The following ADAM23 variants were observed in gnomAD, a reference collection of about 807,000 sequenced individuals.
ADAM23 encodes the protein ADAM metallopeptidase domain 23.
In ADAM23, 33 loss-of-function variants were observed where a neutral mutation model predicts 120.1. That is an observed-to-expected ratio of 0.27 (90% CI 0.21 to 0.37). The LOEUF (loss-of-function observed/expected upper bound fraction) is 0.37, where lower values mean the gene tolerates loss of function less well. ADAM23 is among the 10% of genes least tolerant of loss of function. ADAM23 has a pLI of 1.00. For synonymous variants in ADAM23, 367 were observed against 375.2 expected, an observed-to-expected ratio of 0.98 and a Z score of 0.25; for missense variants, 862 against 1,058.2, an observed-to-expected ratio of 0.81 and a Z score of 2.57.
intron 3 of ADAM23, among the ~76,000 whole-genome samples, chr2:206,511,568 C>T (rs1158983650): frequency 6.6e-6 from 1 of 152,178 alleles, no homozygotes; most frequent in East Asian, 1.9e-4. Flanking sequence ...TCCCTAGGGG[C>T]ATAATCAGGA....
intron 3 of ADAM23, among the ~76,000 whole-genome samples, chr2:206,503,013 C>G (rs1343858587): frequency 1.3e-5 from 2 of 152,066 alleles, no homozygotes; most frequent in African/African-American, 4.8e-5. Context: ...TGAATAGAGC[C>G]CATTTATACA....
intron 18 of ADAM23, among the ~76,000 whole-genome samples, chr2:206,585,749 TG>T (rs1219850982): frequency 6.6e-6 from 1 of 152,052 alleles, no homozygotes; most frequent in East Asian, 1.9e-4. Flanking sequence ...GCTCACATTA[TG>T]ATGGGGCAAC....
At chr2:206,563,600 A>G (rs1428664541) in intron 13 of ADAM23, among the ~76,000 whole-genome samples, 1 of 152,184 alleles carries the variant, frequency 6.6e-6, no homozygotes, top group African/African-American at 2.4e-5. Context: ...CTTGTTTAGA[A>G]ATCTTGAATC....
intron 25 of ADAM23, among the ~76,000 whole-genome samples, chr2:206,614,126 G>A (rs139497520): frequency 6.6e-6 from 1 of 152,146 alleles, no homozygotes; most frequent in Non-Finnish European, 1.5e-5. Flanking sequence ...GGCCATACTG[G>A]CCTGGCATAG....
intron 6 of ADAM23, among the ~76,000 whole-genome samples, chr2:206,544,897 A>T (rs1427143455): frequency 6.6e-6 from 1 of 152,144 alleles, no homozygotes; most frequent in African/African-American, 2.4e-5. Flanking sequence ...TGAATGAAGC[A>T]CTTAAGGAAA....
intron 25 of ADAM23, among the ~76,000 whole-genome samples, 178 bp from the exon 26 acceptor site, chr2:206,617,401 C>A (rs183556654): frequency 2.8e-4 from 43 of 152,322 alleles, no homozygotes; most frequent in South Asian, 8.3e-4. Context: ...CATTCAAAAA[C>A]ATTAGCTGTT....
intron 25 of ADAM23, among the ~76,000 whole-genome samples, chr2:206,611,354 T>C (rs1698823433): frequency 1.3e-5 from 2 of 152,340 alleles, no homozygotes; most frequent in Non-Finnish European, 2.9e-5. Flanking sequence ...ATTAATAAAA[T>C]ATTGCCCACA....
intron 18 of ADAM23, among the ~76,000 whole-genome samples, chr2:206,579,093 T>C (rs2105838347): frequency 6.6e-6 from 1 of 152,262 alleles, no homozygotes; most frequent in East Asian, 1.9e-4. Flanking sequence ...TTTTTTTTCT[T>C]ACTGATTTGT....
At chr2:206,458,344 T>G (rs1695343224) in intron 2 of ADAM23, among the ~76,000 whole-genome samples, 1 of 150,206 alleles carries the variant, frequency 6.7e-6, no homozygotes, top group Non-Finnish European at 1.5e-5. Flanking sequence ...TTTCTTTCAT[T>G]AAAAAAGAAA....
chr2:206,497,185 C>A (rs1269661346), intron 3 of ADAM23, among the ~76,000 whole-genome samples: 1 of 152,106 alleles, frequency 6.6e-6, no homozygotes, highest in East Asian at 1.9e-4. Context: ...CAAAGCCTGG[C>A]AGAGACACAA....
chr2:206,451,127 G>T (rs1695184941), intron 2 of ADAM23, among the ~76,000 whole-genome samples: 1 of 152,228 alleles, frequency 6.6e-6, no homozygotes, highest in South Asian at 2.1e-4. Context: ...TTGTGCAGAA[G>T]GTGGAGAAAG....
At chr2:206,605,773 A>G in intron 24 of ADAM23, 2 of 702,512 alleles carry the variant, frequency 2.8e-6, no homozygotes, top group Non-Finnish European at 5.2e-6. Flanking sequence ...AAAAATCTCC[A>G]TTTTCCCTCC....
chr2:206,617,447 T>A, intron 25 of ADAM23, 132 bp from the exon 26 acceptor site: 1 of 967,618 alleles, frequency 1.0e-6, no homozygotes, highest in Non-Finnish European at 1.4e-6. Flanking sequence ...GGAGACTGCC[T>A]CCATGTGAGT....
chr2:206,548,465 T>G, intron 8 of ADAM23, 111 bp downstream of exon 8: 1 of 1,006,434 alleles, frequency 9.9e-7, no homozygotes. Context: ...TGGGGACTGT[T>G]GTTTAAAAAT....
At chr2:206,534,838 C>G (rs947192436) in intron 4 of ADAM23, among the ~76,000 whole-genome samples, 16 of 152,130 alleles carry the variant, frequency 1.1e-4, no homozygotes, top group Non-Finnish European at 1.9e-4. Context: ...GGCTTCTTTT[C>G]CTAGGTCTAT....
At chr2:206,481,168 GATA>G in intron 2 of ADAM23, 61 bp from the exon 3 acceptor site, 1 of 1,265,658 alleles carries the variant, frequency 7.9e-7, no homozygotes. Context: ...TATCATTCTT[GATA>G]ATAATCTGTC....
chr2:206,492,932 A>G (rs1239073455), intron 3 of ADAM23, among the ~76,000 whole-genome samples: 1 of 152,218 alleles, frequency 6.6e-6, no homozygotes, highest in Non-Finnish European at 1.5e-5. Context: ...AAAAAACTTT[A>G]TATCATTTGT....
intron 3 of ADAM23, among the ~76,000 whole-genome samples, chr2:206,526,238 C>G (rs1696946075): frequency 6.6e-6 from 1 of 151,948 alleles, no homozygotes; most frequent in African/African-American, 2.4e-5. Context: ...AGGTAAATCT[C>G]TTTTTGTGAA....
In ADAM23 at chr2:206,594,784, A is replaced by G. The variant is rs369175047; in HGVS notation, c.2126A>G (p.Glu709Gly). ...GATGATACGGATGTGGGCTATGTAG[A>G]AGATGGAACGCCATGTGGCCCGTCT... is the stretch of plus-strand genomic sequence containing the variant. Reference protein sequence around the residue: ...LDDDTDVGYVEDGTPCGPSMM... With the variant: ...LDDDTDVGYVGDGTPCGPSMM... Residue 709 changes from glutamate to glycine, a missense_variant, in exon 23 of 26, where the codon GAA becomes GGA. Physicochemically the swap from Glu to Gly is moderately conservative, Grantham distance 98. Around this residue, in one of 4 missense-constraint regions of ADAM23, gnomAD observed 617 missense variants for 813.5 expected, o/e 0.76. Transcript: ENST00000264377. 10 of 1,614,102 alleles carry G rather than the reference A, an allele frequency of 6.2e-6. No individual in the cohort carries two copies. In the African/African-American group the frequency reaches 1.1e-4, roughly 17 times the overall value.
Sources: allele counts gnomAD v4.1 joint callset (sites outside exome capture counted in the v4.1 genomes callset), GRCh38; gene constraint gnomAD v4.1.1; regional missense constraint gnomAD v4.1.1; transcripts MANE v1.5; gene names NCBI Gene and HGNC (gene_info 2026-07-23, HGNC 2026-07-21).